Variants in FOXK1 observed in about 807,000 individuals in gnomAD.
FOXK1 encodes the protein forkhead box protein K1.
In FOXK1, 19 loss-of-function variants were observed where a neutral mutation model predicts 51.9. That is an observed-to-expected ratio of 0.37 (90% CI 0.26 to 0.54). The LOEUF is 0.54. Among genes scored for constraint, FOXK1 ranks in the 20% least tolerant of loss-of-function variants. The probability of loss-of-function intolerance (pLI) is 0.87; values close to 1 mark genes in which losing one functional copy is unlikely to be tolerated. For missense variants in FOXK1, 870 were observed against 1,032.7 expected, an observed-to-expected ratio of 0.84 and a Z score of 2.16; for synonymous variants, 537 against 482.6, an observed-to-expected ratio of 1.11 and a Z score of -1.48.
rs1780711800 is a variant in FOXK1, at chr7:4,747,041, C to A, written c.746+6018C>A. On this transcript the variant is annotated intron_variant, in intron 2 of 8. Coordinates refer to ENST00000328914, the MANE Select transcript of FOXK1 (RefSeq NM_001037165.2). This position sits in a 1 kb window ranked among gnomAD's most constrained non-coding sequence, Gnocchi z 9.2. ...CTCCTGCCTAGATCCCTTCGAGGGG[C>A]AACTTTGGCGCTAAAGTGTTGGGAG... 6.6e-6 allele frequency among the ~76,000 whole-genome samples: 1 copy of A among 152,192 alleles called. No homozygotes were observed. The highest frequency in any genetic ancestry group is 2.1e-4 in the South Asian group (1 of 4,836).
rs549839998 is a variant in FOXK1 at position 4,747,249 on chromosome 7, G to A, written c.746+6226G>A. On this transcript the variant is annotated intron_variant, in intron 2 of 8. Transcript: ENST00000328914. This position sits in a 1 kb window ranked among gnomAD's most constrained non-coding sequence, Gnocchi z 9.2. ...CATGGCTTCTGTGCGGGCATGTTACGCACGAGGACAGCCCTTTCCGGGTTC... is the reference window on the plus strand; with the variant it reads ...CATGGCTTCTGTGCGGGCATGTTACACACGAGGACAGCCCTTTCCGGGTTC... 7.2e-4 allele frequency among the ~76,000 whole-genome samples: 110 copies of A among 152,036 alleles called. No individual in the cohort carries two copies. The highest frequency in any genetic ancestry group is 3.4e-3 in the Middle Eastern group (1 of 294).
rs1775012767 is a variant in FOXK1, at chr7:4,745,155, A to T, written c.746+4132A>T. ...GGTGGGAGCGGGGCCAGGCCAGAAGAGCTGGCTGCCTGCAAGGCTGTCCCC... is the reference window on the plus strand; with the variant it reads ...GGTGGGAGCGGGGCCAGGCCAGAAGTGCTGGCTGCCTGCAAGGCTGTCCCC... On this transcript the variant is annotated intron_variant, in intron 2 of 8. Coordinates refer to ENST00000328914, the MANE Select transcript of FOXK1 (RefSeq NM_001037165.2). This position sits in a 1 kb window ranked among gnomAD's most constrained non-coding sequence, Gnocchi z 4.3. 6.6e-6 allele frequency among the ~76,000 whole-genome samples: 1 copy of T among 152,180 alleles called. No individual in the cohort carries two copies. Among genetic ancestry groups the T allele is most frequent in the South Asian group, 2.1e-4 (1 of 4,828 alleles).
In FOXK1 at chr7:4,738,632, C is replaced by G. The variant is rs370443679; in HGVS notation, c.561-2206C>G. 1.5e-4 allele frequency among the ~76,000 whole-genome samples: 23 copies of G among 152,172 alleles called. No individual in the cohort carries two copies. In the East Asian group the frequency reaches 4.1e-3, roughly 27 times the overall value. ...TGCCCTTCTAAACCTCAGGGGTGACCGACCACCCACCCTTATCCCCCAAGA... is the reference window on the plus strand; with the variant it reads ...TGCCCTTCTAAACCTCAGGGGTGACGGACCACCCACCCTTATCCCCCAAGA... On this transcript the variant is annotated intron_variant, in intron 1 of 8. Transcript: ENST00000328914.
intron 1 of FOXK1, among the ~76,000 whole-genome samples, chr7:4,737,213 C>T (rs1780563973): frequency 6.6e-6 from 1 of 152,218 alleles, no homozygotes; most frequent in South Asian, 2.1e-4. Context: ...GCAGCGTGAT[C>T]CGATCCCATA....
chr7:4,702,434 C>A (rs1035700714), intron 1 of FOXK1, among the ~76,000 whole-genome samples: 28 of 152,182 alleles, frequency 1.8e-4, no homozygotes, highest in Non-Finnish European at 8.8e-5. Flanking sequence ...CCTCTACCTC[C>A]CTGGTTCAAG....
rs1364396161 is a variant in FOXK1, at chr7:4,683,304, C to T, written c.560+436C>T. On this transcript the variant is annotated intron_variant, in intron 1 of 8. Transcript: ENST00000328914. This position sits in a 1 kb window ranked among gnomAD's most constrained non-coding sequence, Gnocchi z 4.5. ...CCTGACCCAGATCCCTGCTGCTCCC[C>T]AGCTCCCATCGGCCTGGACTCCGGG... 6.7e-6 allele frequency among the ~76,000 whole-genome samples: 1 copy of T among 149,280 alleles called. No homozygotes were observed. Among genetic ancestry groups the T allele is most frequent in the Non-Finnish European group, 1.5e-5 (1 of 67,122 alleles).
intron 3 of FOXK1, 156 bp downstream of exon 3, chr7:4,754,771 C>A: frequency 1.0e-6 from 1 of 980,178 alleles, no homozygotes; most frequent in Non-Finnish European, 1.5e-6. Context: ...GTAGAGCCGT[C>A]GGCCCTTTCT....
At chr7:4,695,340 T>C (rs555121403) in intron 1 of FOXK1, among the ~76,000 whole-genome samples, 1 of 152,344 alleles carries the variant, frequency 6.6e-6, no homozygotes, top group East Asian at 1.9e-4. Flanking sequence ...TGCAATTCTC[T>C]TTTTCTCTGT....
chr7:4,701,989 C>T (rs1218893061), intron 1 of FOXK1, among the ~76,000 whole-genome samples: 3 of 152,138 alleles, frequency 2.0e-5, no homozygotes, highest in African/African-American at 4.8e-5. Context: ...GTGAGAAGAT[C>T]GCCTGAGCCT....
At chr7:4,740,438 A>T (rs10275252) in intron 1 of FOXK1, among the ~76,000 whole-genome samples, 7,287 of 147,466 alleles carry the variant, frequency 0.049, 546 homozygotes, top group African/African-American at 0.17. Context: ...TCAAAAAAAA[A>T]AAATAAATAA....
intron 1 of FOXK1, among the ~76,000 whole-genome samples, chr7:4,738,466 G>T (rs941908661): frequency 1.3e-5 from 2 of 152,034 alleles, no homozygotes; most frequent in South Asian, 2.1e-4. Context: ...AAGAAAATGG[G>T]TGATGGAGCT....
rs1488728128 is a variant in FOXK1, at chr7:4,745,529, G to C, written c.746+4506G>C. On this transcript the variant is annotated intron_variant, in intron 2 of 8. Coordinates refer to ENST00000328914, the MANE Select transcript of FOXK1 (RefSeq NM_001037165.2). This position sits in a 1 kb window ranked among gnomAD's most constrained non-coding sequence, Gnocchi z 4.3. ...TTTCTGCCCTGAAGTACTCCACCCA[G>C]AAAATGAATGAACTCTCTTTGAAAT... Among the ~76,000 whole-genome samples, 1 of 152,126 alleles carries C rather than the reference G, an allele frequency of 6.6e-6. No homozygotes were observed. Among genetic ancestry groups the C allele is most frequent in the African/African-American group, 2.4e-5 (1 of 41,430 alleles).
rs532985270 is a variant in FOXK1, at chr7:4,707,643, G to T, written c.560+24775G>T. Among the ~76,000 whole-genome samples, 12 of 151,870 alleles carry T rather than the reference G, an allele frequency of 7.9e-5. No individual in the cohort carries two copies. The highest frequency in any genetic ancestry group is 2.9e-4 in the African/African-American group (12 of 41,334). ...CTTTGCAGTTGGCGTGTTCCCCGGT[G>T]CCATTCGTATCTGATTCATGCGTGT... On this transcript the variant is annotated intron_variant, in intron 1 of 8. Transcript: ENST00000328914. The surrounding 1 kb of genome is among the most constrained non-coding windows in gnomAD (Gnocchi z 4.1).
At chr7:4,717,854 G>A (rs765471628) in intron 1 of FOXK1, among the ~76,000 whole-genome samples, 3 of 152,204 alleles carry the variant, frequency 2.0e-5, no homozygotes, top group African/African-American at 7.2e-5. Flanking sequence ...ACCGCCGTGT[G>A]TTGCCCGCGT....
chr7:4,686,503 G>C (rs1167579024), intron 1 of FOXK1, among the ~76,000 whole-genome samples: 1 of 152,228 alleles, frequency 6.6e-6, no homozygotes, highest in African/African-American at 2.4e-5. Context: ...CGCCTGGTGG[G>C]TAAGCATCTC....
rs913348936 is a variant in FOXK1 at position 4,763,570 on chromosome 7, G to GT, written c.*1107dup. The GT allele has an allele frequency of 3.3e-5, 5 of 152,384 alleles. No homozygotes were observed. The highest frequency in any genetic ancestry group is 1.2e-4 in the African/African-American group (5 of 41,466). 9.4% of individuals were successfully genotyped at this position (152,384 alleles called of 1,614,324 possible). A position where few individuals can be genotyped will look rare whatever the true frequency, so the allele number is the denominator to read the frequency against. ...AGCAGGAGACCCCACCCCAGCAGCA[G>GT]TGGTGAGCAGGCCTGTGCCTCCACG... On this transcript the variant is annotated 3_prime_UTR_variant, in exon 9 of 9. Coordinates refer to ENST00000328914, the MANE Select transcript of FOXK1 (RefSeq NM_001037165.2).
At chr7:4,699,499 C>T (rs1779994914) in intron 1 of FOXK1, among the ~76,000 whole-genome samples, 1 of 151,924 alleles carries the variant, frequency 6.6e-6, no homozygotes, top group African/African-American at 2.4e-5. Flanking sequence ...TCCCGAGTAG[C>T]TGGGATTACA....
In FOXK1 at chr7:4,729,143, C is replaced by T. The variant is rs979298714; in HGVS notation, c.561-11695C>T. ...AGAGCCTAGTCCATCTTTACGCGGT[C>T]TTTTTACGTCTGTTTAAGCCACACA... On this transcript the variant is annotated intron_variant, in intron 1 of 8. Transcript: ENST00000328914. This position sits in a 1 kb window ranked among gnomAD's most constrained non-coding sequence, Gnocchi z 6.2. Among the ~76,000 whole-genome samples the T allele has an allele frequency of 6.6e-6, 1 of 152,168 alleles. No homozygotes were observed. The highest frequency in any genetic ancestry group is 6.5e-5 in the Admixed American group (1 of 15,274).
chr7:4,725,405 T>A (rs1278484237), intron 1 of FOXK1, among the ~76,000 whole-genome samples: 1 of 152,206 alleles, frequency 6.6e-6, no homozygotes, highest in Non-Finnish European at 1.5e-5. Flanking sequence ...TCACTGCTGT[T>A]GCCCAAAGTG....
Sources: allele counts gnomAD v4.1 joint callset (sites outside exome capture counted in the v4.1 genomes callset), GRCh38; gene constraint gnomAD v4.1.1; non-coding constraint Gnocchi (gnomAD v3.1); transcripts MANE v1.5; gene names NCBI Gene and HGNC (gene_info 2026-07-23, HGNC 2026-07-21).